The following SH3BP5 variants were observed in gnomAD, a reference collection of about 807,000 sequenced individuals.
SH3BP5 encodes SH3 domain binding protein 5, also known as SH3 domain-binding protein 5.
In SH3BP5, 22 loss-of-function variants were observed where a neutral mutation model predicts 43.3. That is an observed-to-expected ratio of 0.51 (90% CI 0.36 to 0.73). The LOEUF (loss-of-function observed/expected upper bound fraction) is 0.73, where lower values mean the gene tolerates loss of function less well. Among genes scored for constraint, SH3BP5 ranks in the 30% least tolerant of loss-of-function variants. The probability of loss-of-function intolerance (pLI) is 0.00; values close to 1 mark genes in which losing one functional copy is unlikely to be tolerated. For missense variants in SH3BP5, 529 were observed against 586.9 expected (o/e 0.90, Z 1.02); for synonymous variants, 255 against 225.8 (o/e 1.13, Z -1.16).
At chr3:15,269,005 A>G (rs1373891069) in intron 4 of SH3BP5, among the ~76,000 whole-genome samples, 3 of 152,126 alleles carry the variant, frequency 2.0e-5, no homozygotes, top group Admixed American at 6.5e-5. Context: ...ATAAATTTCT[A>G]TTGTTTACCA....
At chr3:15,264,431 G>A (rs1353577773) in intron 4 of SH3BP5, 3 of 152,152 alleles carry the variant, frequency 2.0e-5, no homozygotes, top group Non-Finnish European at 4.4e-5. Flanking sequence ...TTCAAGAATT[G>A]TAACATCACT....
intron 3 of SH3BP5, among the ~76,000 whole-genome samples, chr3:15,300,536 T>G (rs1235908320): frequency 6.6e-6 from 1 of 151,836 alleles, no homozygotes; most frequent in Non-Finnish European, 1.5e-5. Flanking sequence ...AAACAGGAAG[T>G]CCTACTTGGC....
chr3:15,329,606 A>T (rs1698559363), intron 2 of SH3BP5, among the ~76,000 whole-genome samples: 1 of 152,200 alleles, frequency 6.6e-6, no homozygotes, highest in African/African-American at 2.4e-5. Context: ...CTGGTAGATT[A>T]TATTCCTATC....
chr3:15,318,686 C>T (rs945326962), intron 2 of SH3BP5, among the ~76,000 whole-genome samples: 1 of 152,162 alleles, frequency 6.6e-6, no homozygotes, highest in African/African-American at 2.4e-5. Context: ...CCTCAGCCTC[C>T]CAAGTAGCTG....
At chr3:15,262,345 A>C (rs1171738183) in intron 4 of SH3BP5, 56 bp from the exon 5 acceptor site, 1 of 1,554,914 alleles carries the variant, frequency 6.4e-7, no homozygotes, top group Admixed American at 1.9e-5. Flanking sequence ...CAGGCTTGGA[A>C]TATTACTTAT....
intron 1 of SH3BP5, among the ~76,000 whole-genome samples, chr3:15,331,423 T>A (rs73816882): frequency 0.097 from 14,784 of 152,108 alleles, 1,328 homozygotes; most frequent in African/African-American, 0.24. Context: ...GCAATTTTTT[T>A]AAAAAAATGA....
Position 15,332,564 on chromosome 3 carries a change from C to A in SH3BP5, c.-156G>T. 8.1e-7 allele frequency: 1 copy of A among 1,228,888 alleles called. No individual in the cohort carries two copies. The highest frequency in any genetic ancestry group is 1.0e-6 in the Non-Finnish European group (1 of 987,196). The allele number at this position is 1,228,888 out of a possible 1,614,324, so 76.1% of individuals were successfully genotyped here. On this transcript the variant is annotated 5_prime_UTR_variant, in exon 1 of 9. Transcript: ENST00000383791. ...GAGACGCAGCTCGCCGATGCGGATA[C>A]CTCCGGCCGCGGCGGAGCAGAGGAA...
chr3:15,333,136 G>T (rs1408931588), upstream of SH3BP5: 9 of 985,390 alleles, frequency 9.1e-6, no homozygotes, highest in Non-Finnish European at 1.1e-5. Flanking sequence ...ATTTAAGGAG[G>T]TGGCAAGTGT....
upstream of SH3BP5, among the ~76,000 whole-genome samples, chr3:15,333,963 C>T (rs148795555): frequency 2.3e-4 from 35 of 152,318 alleles, no homozygotes; most frequent in East Asian, 6.8e-3. Context: ...CAGGAGCCAC[C>T]AACCTTCTCT....
chr3:15,262,455 C>T lies in SH3BP5; in HGVS notation c.496-166G>A, dbSNP rs1052237932. On this transcript the variant is annotated intron_variant, in intron 4 of 8. Coordinates refer to ENST00000383791, the MANE Select transcript of SH3BP5 (RefSeq NM_004844.5). ...TGGGTGGATCACGAGGTCAGGAGAT[C>T]GGGACCATCCTAGCCAACATGGTGA... Among the ~76,000 whole-genome samples the T allele has an allele frequency of 5.9e-5, 9 of 151,992 alleles. No homozygotes were observed. The South Asian group carries it at 6.2e-4, about 11-fold the overall frequency.
intron 4 of SH3BP5, among the ~76,000 whole-genome samples, chr3:15,264,803 T>A (rs1286518501): frequency 6.6e-6 from 1 of 152,146 alleles, no homozygotes; most frequent in African/African-American, 2.4e-5. Flanking sequence ...CTTTAAGGAT[T>A]TACTGGTATA....
chr3:15,279,063 A>G (rs1261808179), intron 3 of SH3BP5, among the ~76,000 whole-genome samples: 2 of 152,076 alleles, frequency 1.3e-5, no homozygotes, highest in East Asian at 3.9e-4. Flanking sequence ...CCAGCTACTC[A>G]GGGGGCTGAG....
Position 15,256,319 on chromosome 3 carries a change from G to A in SH3BP5, c.1151-16C>T, listed in dbSNP as rs1463133448. On this transcript the variant is annotated splice_polypyrimidine_tract_variant and intron_variant, in intron 8 of 8. Coordinates refer to ENST00000383791, the MANE Select transcript of SH3BP5 (RefSeq NM_004844.5). ...GCCCTGTCTCCTATAGAAATACAAG[G>A]ATTATCAAAAGTGAGTATTGACAAT... is the stretch of plus-strand genomic sequence containing the variant. 8 of 1,608,132 alleles carry A rather than the reference G, an allele frequency of 5.0e-6. No homozygotes were observed. Among genetic ancestry groups the A allele is most frequent in the Admixed American group, 3.3e-5 (2 of 59,776 alleles).
At chr3:15,272,027 G>A (rs1696815739) in intron 3 of SH3BP5, among the ~76,000 whole-genome samples, 1 of 152,256 alleles carries the variant, frequency 6.6e-6, no homozygotes, top group South Asian at 2.1e-4. Flanking sequence ...ACGTCCCTAA[G>A]GCAGCCCCTG....
intron 3 of SH3BP5, among the ~76,000 whole-genome samples, chr3:15,295,170 A>G (rs1009332370): frequency 2.6e-5 from 4 of 152,154 alleles, no homozygotes; most frequent in African/African-American, 4.8e-5. Context: ...CGCACTAACA[A>G]ATAAGCCTCT....
intron 4 of SH3BP5, among the ~76,000 whole-genome samples, chr3:15,268,580 T>C (rs1270631323): frequency 1.3e-5 from 2 of 151,940 alleles, no homozygotes; most frequent in Non-Finnish European, 2.9e-5. Flanking sequence ...ACCAGGAACA[T>C]GAGCCTGGGC....
intron 2 of SH3BP5, among the ~76,000 whole-genome samples, chr3:15,310,458 C>T (rs6793635): frequency 0.45 from 67,829 of 151,996 alleles, 15,695 homozygotes; most frequent in African/African-American, 0.57. Flanking sequence ...TGACTGTGAT[C>T]CTTTGTCTCC....
intron 3 of SH3BP5, among the ~76,000 whole-genome samples, chr3:15,294,336 C>CGT (rs1251907912): frequency 4.1e-5 from 6 of 145,834 alleles, no homozygotes; most frequent in African/African-American, 7.9e-5. Context: ...TGTGTGCGCG[C>CGT]GCATGTTTAC....
chr3:15,331,140 A>C (rs978267606), intron 1 of SH3BP5, among the ~76,000 whole-genome samples: 1 of 152,250 alleles, frequency 6.6e-6, no homozygotes, highest in Non-Finnish European at 1.5e-5. Flanking sequence ...TTTGTAAAAA[A>C]AGTATCCAAC....
Sources: gnomAD v4.1 joint callset for allele counts (sites outside exome capture counted in the v4.1 genomes callset) on GRCh38, gnomAD v4.1.1 for gene constraint, MANE v1.5 for transcripts, NCBI Gene and HGNC (gene_info 2026-07-23, HGNC 2026-07-21) for gene names.